The following RASSF2 variants were observed in gnomAD, a reference collection of about 807,000 sequenced individuals.
RASSF2 encodes Ras association domain family member 2.
Under a neutral mutation model 46.3 loss-of-function variants are expected in RASSF2, and 34 were observed. That is an observed-to-expected ratio of 0.73 (90% confidence interval 0.56 to 0.98). The LOEUF is 0.98. Among genes scored for constraint, RASSF2 ranks in the 50% least tolerant of loss-of-function variants. The pLI, the probability that RASSF2 is intolerant of heterozygous loss-of-function variation, is 0.00. For missense variants in RASSF2, 364 were observed against 431.2 expected, an observed-to-expected ratio of 0.84 and a Z score of 1.38; for synonymous variants, 158 against 162.5, an observed-to-expected ratio of 0.97 and a Z score of 0.21.
chr20:4,794,114 T>C (rs1926132693), intron 5 of RASSF2, among the ~76,000 whole-genome samples: 1 of 152,130 alleles, frequency 6.6e-6, no homozygotes, highest in Admixed American at 6.5e-5. Flanking sequence ...CAGTATAGTA[T>C]AACAAATACA....
chr20:4,782,715 G>C lies in RASSF2; in HGVS notation c.*1558C>G, dbSNP rs1237058427. The C allele has an allele frequency of 2.0e-5, 3 of 152,382 alleles. No individual in the cohort carries two copies. The highest frequency in any genetic ancestry group is 7.2e-5 in the African/African-American group (3 of 41,470). The allele number at this position is 152,382 out of a possible 1,614,324, so 9.4% of individuals were successfully genotyped here. A position where few individuals can be genotyped will look rare whatever the true frequency, so the allele number is the denominator to read the frequency against. ...CCAAAAAAGTCCACCTTCCTTTGGA[G>C]GCACCAACCAGGGGCTGTCCTTTCC... On this transcript the variant is annotated 3_prime_UTR_variant, in exon 12 of 12. Coordinates refer to ENST00000379400, the MANE Select transcript of RASSF2 (RefSeq NM_014737.3).
chr20:4,789,725 T>C, intron 7 of RASSF2, 28 bp from the exon 8 acceptor site: 1 of 1,592,406 alleles, frequency 6.3e-7, no homozygotes, highest in Non-Finnish European at 8.6e-7. Context: ...CAGCTCAGGG[T>C]GGGAGTGGGA....
chr20:4,786,330 T>C lies in RASSF2; in HGVS notation c.814-2A>G. 1.3e-6 allele frequency: 2 copies of C among 1,595,734 alleles called. No individual in the cohort carries two copies. The highest frequency in any genetic ancestry group is 1.7e-6 in the Non-Finnish European group (2 of 1,163,398). ...CTCGAACTTTATATACTGGGCCACCTAGAGAGAAAGAAGCAAGTCTGGGTG... is the reference window on the plus strand; with the variant it reads ...CTCGAACTTTATATACTGGGCCACCCAGAGAGAAAGAAGCAAGTCTGGGTG... On this transcript the variant is annotated splice_acceptor_variant, in intron 10 of 11. Coordinates refer to ENST00000379400, the MANE Select transcript of RASSF2 (RefSeq NM_014737.3). LOFTEE classifies it high-confidence loss of function.
intron 4 of RASSF2, among the ~76,000 whole-genome samples, chr20:4,797,714 C>T (rs915898730): frequency 6.6e-6 from 1 of 152,084 alleles, no homozygotes; most frequent in African/African-American, 2.4e-5. Context: ...TGGGAGCCAC[C>T]TGGAAAGGTC....
In RASSF2 at chr20:4,792,409, A is replaced by C. The variant is rs142682702; in HGVS notation, c.376+130T>G. 4.3e-3 allele frequency: 6,632 copies of C among 1,531,330 alleles called. 26 individuals are homozygous for C. Among genetic ancestry groups the C allele is most frequent in the Non-Finnish European group, 5.2e-3 (5,875 of 1,136,032 alleles). 94.9% of individuals were successfully genotyped at this position (1,531,330 alleles called of 1,614,324 possible). A position where few individuals can be genotyped will look rare whatever the true frequency, so the allele number is the denominator to read the frequency against. On this transcript the variant is annotated intron_variant, in intron 6 of 11. Coordinates refer to ENST00000379400, the MANE Select transcript of RASSF2 (RefSeq NM_014737.3). ...GTGGGTGGATGAGGTGGGTGACTTA[A>C]TTCTCTCCCTTTGTATCTTGAACCA...
chr20:4,795,076 T>C lies in RASSF2; in HGVS notation c.287+739A>G, dbSNP rs971408746. ...CAGTCAGCATCAGCAGGTTTCAGGA[T>C]GGAGACAGGCTAGTCACTTGATCCT... On this transcript the variant is annotated intron_variant, in intron 5 of 11. Coordinates refer to ENST00000379400, the MANE Select transcript of RASSF2 (RefSeq NM_014737.3). The surrounding 1 kb of genome is among the most constrained non-coding windows in gnomAD (Gnocchi z 4.0). Among the ~76,000 whole-genome samples, 1 of 152,226 alleles carries C rather than the reference T, an allele frequency of 6.6e-6. No individual in the cohort carries two copies. The highest frequency in any genetic ancestry group is 2.4e-5 in the African/African-American group (1 of 41,456).
At chr20:4,792,256 AGGAGGGGAGG>A (rs376549381) in intron 6 of RASSF2, among the ~76,000 whole-genome samples, 9 of 35,450 alleles carry the variant, frequency 2.5e-4, no homozygotes, top group South Asian at 2.9e-3. Context: ...GGAAGGGGAG[AGGAGGGGAGG>A]GGAGGGGAGG....
Position 4,781,101 on chromosome 20 carries a change from G to C in RASSF2, c.*3172C>G, listed in dbSNP as rs959084094. 5 of 152,274 alleles carry C rather than the reference G, an allele frequency of 3.3e-5. No homozygotes were observed. Among genetic ancestry groups the C allele is most frequent in the Non-Finnish European group, 4.4e-5 (3 of 68,038 alleles). The allele number at this position is 152,274 out of a possible 1,614,324, so 9.4% of individuals were successfully genotyped here. On this transcript the variant is annotated 3_prime_UTR_variant, in exon 12 of 12. Transcript: ENST00000379400. ...TTGTTGGTGGTGGTTTCTTTAAAGAGAATTCCCTTTTCTTAAGAGAGCTTC... is the reference window on the plus strand; with the variant it reads ...TTGTTGGTGGTGGTTTCTTTAAAGACAATTCCCTTTTCTTAAGAGAGCTTC...
chr20:4,801,089 T>C (rs1160216751), intron 2 of RASSF2, 27 bp from the exon 3 acceptor site: 1 of 1,584,424 alleles, frequency 6.3e-7, no homozygotes, highest in African/African-American at 1.3e-5. Context: ...AAGACAGAGG[T>C]TAAAGTCAAG....
chr20:4,814,730 G>C (rs1379353283), intron 2 of RASSF2, among the ~76,000 whole-genome samples: 1 of 152,288 alleles, frequency 6.6e-6, no homozygotes, highest in Middle Eastern at 3.4e-3. Flanking sequence ...ATCCAACAAC[G>C]TGTGCGGGGA....
rs201378100 is a variant in RASSF2, at chr20:4,784,295, G to C, written c.959C>G (p.Ala320Gly). Residue 320 changes from alanine to glycine, a missense_variant, in exon 12 of 12, where the codon GCC (alanine) becomes GGC (glycine). Physicochemically the swap from Ala to Gly is moderately conservative, Grantham distance 60. Transcript: ENST00000379400. ...GGCTCAGATTGTTGCTGGGGTCTCG[G>C]CTATCTCCTCCAGCCTCTGTCGAAT... ...LMIRQRLEEI[A>G]ETPATI The C allele has an allele frequency of 1.2e-6, 2 of 1,613,912 alleles. No homozygotes were observed. Among genetic ancestry groups the C allele is most frequent in the Non-Finnish European group, 1.7e-6 (2 of 1,179,866 alleles).
intron 2 of RASSF2, among the ~76,000 whole-genome samples, chr20:4,802,774 A>G (rs975347108): frequency 1.3e-5 from 2 of 151,952 alleles, no homozygotes; most frequent in African/African-American, 4.8e-5. Context: ...TGGTTACACA[A>G]CATGTGAAGT....
rs1216846102 is a variant in RASSF2, at chr20:4,796,057, G to A, written c.136-91C>T. 1.9e-5 allele frequency: 27 copies of A among 1,391,528 alleles called. No homozygotes were observed. In the South Asian group the frequency reaches 3.9e-4, roughly 20 times the overall value. 86.2% of individuals were successfully genotyped at this position (1,391,528 alleles called of 1,614,324 possible). On this transcript the variant is annotated intron_variant, in intron 4 of 11. Coordinates refer to ENST00000379400, the MANE Select transcript of RASSF2 (RefSeq NM_014737.3). ...GGGACAAATGACACATTCTTCACAT[G>A]TCCTGGCTGGGGGCCCCCAGACTGT...
Position 4,817,135 on chromosome 20 carries a change from G to A in RASSF2, c.-33+5194C>T, listed in dbSNP as rs139689038. 4.5e-3 allele frequency among the ~76,000 whole-genome samples: 683 copies of A among 152,162 alleles called. 4 individuals are homozygous for A. The highest frequency in any genetic ancestry group is 0.015 in the African/African-American group (617 of 41,514). On this transcript the variant is annotated intron_variant, in intron 2 of 11. Transcript: ENST00000379400. Reference sequence around the variant, plus strand: ...ATACATATATATCATATTCTTCCACGTTAATAGCTACACACCTGCAGCCTA... The same window carrying A: ...ATACATATATATCATATTCTTCCACATTAATAGCTACACACCTGCAGCCTA...
At chr20:4,801,923 A>G (rs1926904306) in intron 2 of RASSF2, among the ~76,000 whole-genome samples, 1 of 151,834 alleles carries the variant, frequency 6.6e-6, no homozygotes, top group Non-Finnish European at 1.5e-5. Flanking sequence ...TATTTTTAGT[A>G]GAGGAAGGGT....
chr20:4,822,929 C>G (rs548361817), intron 1 of RASSF2, among the ~76,000 whole-genome samples: 2 of 152,208 alleles, frequency 1.3e-5, no homozygotes, highest in South Asian at 2.1e-4. Flanking sequence ...CAGGAAGTCT[C>G]AGAGACCCCG....
intron 7 of RASSF2, 69 bp from the exon 8 acceptor site, chr20:4,789,766 G>A: frequency 2.3e-6 from 3 of 1,310,628 alleles, no homozygotes; most frequent in Non-Finnish European, 3.3e-6. Context: ...TCCAGGTGCG[G>A]TACAGGGCAC....
intron 2 of RASSF2, among the ~76,000 whole-genome samples, chr20:4,804,964 G>A (rs1426149725): frequency 1.3e-5 from 2 of 152,022 alleles, no homozygotes; most frequent in African/African-American, 4.8e-5. Flanking sequence ...AGACCTCAGT[G>A]TTGGCAAAGA....
rs768869788 is a variant in RASSF2 at position 4,790,444 on chromosome 20, A to T, written c.537+7T>A. ...TTCCACCCTCCCCGTCCCCCTGTCC[A>T]CCTTACCTTATGGTTGTAGAAATGG... On this transcript the variant is annotated splice_region_variant and intron_variant, in intron 7 of 11. Transcript: ENST00000379400. This position sits in a 1 kb window ranked among gnomAD's most constrained non-coding sequence, Gnocchi z 4.3. The T allele has an allele frequency of 6.9e-7, 1 of 1,457,346 alleles. No individual in the cohort carries two copies. The highest frequency in any genetic ancestry group is 9.1e-7 in the Non-Finnish European group (1 of 1,104,286). The allele number at this position is 1,457,346 out of a possible 1,614,324, so 90.3% of individuals were successfully genotyped here. A position where few individuals can be genotyped will look rare whatever the true frequency, so the allele number is the denominator to read the frequency against.
Sources: allele counts gnomAD v4.1 joint callset (sites outside exome capture counted in the v4.1 genomes callset), GRCh38; gene constraint gnomAD v4.1.1; non-coding constraint Gnocchi (gnomAD v3.1); transcripts MANE v1.5; gene names NCBI Gene and HGNC (gene_info 2026-07-23, HGNC 2026-07-21).